Variants in TNPO1 observed in about 807,000 individuals in gnomAD.
The protein encoded by TNPO1 is transportin-1.
TNPO1 carries 8 observed loss-of-function variants against 119.5 expected under a neutral mutation model. The ratio of observed to expected loss-of-function variants is 0.07; its 90% CI spans 0.04 to 0.12. TNPO1 has a LOEUF of 0.12. Ranked by LOEUF, TNPO1 falls within the 10% of genes least tolerant of loss-of-function variation. The pLI is 1.00. For missense variants in TNPO1, 576 were observed against 1,089.8 expected (o/e 0.53, Z 6.64); for synonymous variants, 362 against 363.0 (o/e 1.00, Z 0.03).
At chr5:72,866,768 G>A (rs1746938328) in intron 6 of TNPO1, among the ~76,000 whole-genome samples, 1 of 151,800 alleles carries the variant, frequency 6.6e-6, no homozygotes, top group Non-Finnish European at 1.5e-5. Flanking sequence ...AAGAAAAACA[G>A]AAAAAATTCA....
At position 72,914,138 on chromosome 5, in the gene TNPO1, CTG is replaced by C. The variant is rs1319912136; in HGVS notation, c.*5467_*5468del. 1.3e-5 allele frequency: 2 copies of C among 152,614 alleles called. No homozygotes were observed. Among genetic ancestry groups the C allele is most frequent in the Non-Finnish European group, 2.9e-5 (2 of 68,012 alleles). 9.5% of individuals were successfully genotyped at this position (152,614 alleles called of 1,614,324 possible). A position where few individuals can be genotyped will look rare whatever the true frequency, so the allele number is the denominator to read the frequency against. ...ACATATCCTCCTGCAACTTCTCAAA[CTG>C]TACTAAATTGATATTTCTTGAAGTC... On this transcript the variant is annotated 3_prime_UTR_variant, in exon 25 of 25. Transcript: ENST00000337273.
chr5:72,835,838 G>A (rs1036202488), intron 1 of TNPO1, among the ~76,000 whole-genome samples: 1 of 152,164 alleles, frequency 6.6e-6, no homozygotes, highest in Admixed American at 6.5e-5. Context: ...TATGAGTGAG[G>A]CCCAAAGTAT....
At chr5:72,827,087 T>G (rs1036867843) in intron 1 of TNPO1, among the ~76,000 whole-genome samples, 1 of 151,940 alleles carries the variant, frequency 6.6e-6, no homozygotes, top group African/African-American at 2.4e-5. Flanking sequence ...TGGCCAGCAG[T>G]CAATCTGAAA....
chr5:72,859,205 A>C (rs1229610734), intron 4 of TNPO1, among the ~76,000 whole-genome samples: 2 of 152,154 alleles, frequency 1.3e-5, no homozygotes, highest in African/African-American at 4.8e-5. Flanking sequence ...TCTAGACCAG[A>C]GTTTTCCAAC....
rs1554052270 is a variant in TNPO1 at position 72,868,458 on chromosome 5, A to AAAAAAAAAAC, written c.596+2730_596+2731insAAAAAAAACA. 2.1e-4 allele frequency among the ~76,000 whole-genome samples: 24 copies of AAAAAAAAAAC among 113,414 alleles called. 1 individual carries two copies. The highest frequency in any genetic ancestry group is 4.3e-4 in the Non-Finnish European group (20 of 46,754). 74.4% of individuals were successfully genotyped at this position (113,414 alleles called of 152,430 possible). On this transcript the variant is annotated intron_variant, in intron 6 of 24. Coordinates refer to ENST00000337273, the MANE Select transcript of TNPO1 (RefSeq NM_002270.4). ...AAAAAAAAAAAAAAAAAAAAAAAAA[A>AAAAAAAAAAC]ACACAAAATAATATATCAGGCATTT...
chr5:72,878,759 G>T, intron 9 of TNPO1: 1 of 265,698 alleles, frequency 3.8e-6, no homozygotes, highest in Non-Finnish European at 7.4e-6. Flanking sequence ...TTTCTGTGGG[G>T]TCATATAATT....
intron 18 of TNPO1, among the ~76,000 whole-genome samples, chr5:72,895,897 C>T (rs1415108345): frequency 2.0e-5 from 3 of 152,112 alleles, no homozygotes; most frequent in Non-Finnish European, 2.9e-5. Flanking sequence ...TCATGATGTT[C>T]AAGCTGTTGT....
At chr5:72,907,363 T>C (rs1750245741) in intron 24 of TNPO1, among the ~76,000 whole-genome samples, 1 of 152,198 alleles carries the variant, frequency 6.6e-6, no homozygotes. Context: ...GAAATAGTTC[T>C]CGGTTTTGTA....
chr5:72,851,186 T>A (rs1472839058), intron 2 of TNPO1, 58 bp from the exon 3 acceptor site: 9 of 1,061,426 alleles, frequency 8.5e-6, no homozygotes, highest in Non-Finnish European at 1.3e-5. Flanking sequence ...AGATTTAAAA[T>A]GCTTAATTTC....
chr5:72,878,122 A>G lies in TNPO1; in HGVS notation c.920+776A>G, dbSNP rs574135875. Among the ~76,000 whole-genome samples the G allele has an allele frequency of 5.9e-5, 9 of 152,266 alleles. No homozygotes were observed. The South Asian group carries it at 1.9e-3, about 32-fold the overall frequency. Reference sequence around the variant, plus strand: ...ATGGTATACATAACCATATTTACATAAATGACGATTATATATGTGTACGCT... The same window carrying G: ...ATGGTATACATAACCATATTTACATGAATGACGATTATATATGTGTACGCT... On this transcript the variant is annotated intron_variant, in intron 9 of 24. Transcript: ENST00000337273.
intron 20 of TNPO1, among the ~76,000 whole-genome samples, chr5:72,897,880 A>G (rs1749548527): frequency 6.6e-6 from 1 of 152,126 alleles, no homozygotes; most frequent in African/African-American, 2.4e-5. Flanking sequence ...TTCTACCAAA[A>G]TACTAGACAA....
chr5:72,858,459 A>G (rs1489215768), intron 4 of TNPO1, among the ~76,000 whole-genome samples: 1 of 152,056 alleles, frequency 6.6e-6, no homozygotes, highest in Non-Finnish European at 1.5e-5. Context: ...CCACTTTTTG[A>G]TATGTATTAG....
intron 6 of TNPO1, among the ~76,000 whole-genome samples, chr5:72,869,385 A>G (rs1264618798): frequency 6.6e-6 from 1 of 151,952 alleles, no homozygotes; most frequent in East Asian, 1.9e-4. Context: ...TACCTCCATT[A>G]AAAATACAAA....
chr5:72,830,647 C>G (rs529050125), intron 1 of TNPO1, among the ~76,000 whole-genome samples: 1 of 152,088 alleles, frequency 6.6e-6, no homozygotes, highest in South Asian at 2.1e-4. Context: ...AATGTATGAC[C>G]AAGAGTTAAC....
At chr5:72,840,816 A>G (rs1238069791) in intron 1 of TNPO1, among the ~76,000 whole-genome samples, 1 of 152,098 alleles carries the variant, frequency 6.6e-6, no homozygotes, top group African/African-American at 2.4e-5. Context: ...CTTAGTACCT[A>G]TTTTCCATTT....
chr5:72,908,002 A>G (rs1003726238), intron 24 of TNPO1, among the ~76,000 whole-genome samples: 1 of 152,184 alleles, frequency 6.6e-6, no homozygotes, highest in African/African-American at 2.4e-5. Context: ...TCAGTGAGCC[A>G]TATTCACACC....
chr5:72,887,262 TTAC>T, intron 12 of TNPO1, 40 bp downstream of exon 12: 1 of 1,169,694 alleles, frequency 8.5e-7, no homozygotes, highest in Non-Finnish European at 1.2e-6. Context: ...AGTTGGCTTC[TTAC>T]TACTATTAGG....
intron 1 of TNPO1, among the ~76,000 whole-genome samples, chr5:72,825,511 C>A (rs1744165842): frequency 6.6e-6 from 1 of 152,150 alleles, no homozygotes; most frequent in East Asian, 1.9e-4. Flanking sequence ...AACCGTGAAA[C>A]CCTGTCTCTA....
chr5:72,904,084 C>T (rs772135722), intron 23 of TNPO1, among the ~76,000 whole-genome samples: 17 of 152,090 alleles, frequency 1.1e-4, no homozygotes, highest in Non-Finnish European at 1.9e-4. Context: ...GAAATGGAGA[C>T]TTGGAGTATA....
Sources: gnomAD v4.1 joint callset for allele counts (sites outside exome capture counted in the v4.1 genomes callset) on GRCh38, gnomAD v4.1.1 for gene constraint, MANE v1.5 for transcripts, NCBI Gene and HGNC (gene_info 2026-07-23, HGNC 2026-07-21) for gene names.